FTO: variants seen among roughly 807,000 people sequenced by gnomAD.
FTO encodes the protein FTO alpha-ketoglutarate dependent dioxygenase.
Under a neutral mutation model 63.9 loss-of-function variants are expected in FTO, and 47 were observed. The observed-to-expected ratio is 0.74, with a 90% CI of 0.58 to 0.94. FTO has a LOEUF of 0.94. Ranked by LOEUF, FTO falls within the 40% of genes least tolerant of loss-of-function variation. The probability of loss-of-function intolerance (pLI) is 0.00; values close to 1 mark genes in which losing one functional copy is unlikely to be tolerated. For synonymous variants in FTO, 207 were observed against 224.4 expected, an observed-to-expected ratio of 0.92 and a Z score of 0.69; for missense variants, 562 against 618.1, an observed-to-expected ratio of 0.91 and a Z score of 0.96.
chr16:53,942,844 G>A (rs1424005455), intron 8 of FTO, among the ~76,000 whole-genome samples: 1 of 152,106 alleles, frequency 6.6e-6, no homozygotes, highest in Admixed American at 6.6e-5. Flanking sequence ...TAAAGAGACT[G>A]GCTGCTTACT....
intron 4 of FTO, among the ~76,000 whole-genome samples, chr16:53,844,692 T>C (rs1052414594): frequency 2.6e-5 from 4 of 152,172 alleles, no homozygotes; most frequent in Non-Finnish European, 4.4e-5. Context: ...ACTCCTGACC[T>C]CAGGTGATCC....
chr16:53,744,831 C>G (rs796150059), intron 1 of FTO, among the ~76,000 whole-genome samples: 7 of 70,604 alleles, frequency 9.9e-5, no homozygotes, highest in Non-Finnish European at 1.7e-4. Flanking sequence ...TTCTTCCCCC[C>G]CCCCATATAT....
At chr16:53,772,776 GA>G (rs964535402) in intron 1 of FTO, among the ~76,000 whole-genome samples, 11 of 152,084 alleles carry the variant, frequency 7.2e-5, no homozygotes, top group Non-Finnish European at 1.5e-4. Context: ...AAGTAATTTT[GA>G]TTCAAAGGGT....
Position 53,704,248 on chromosome 16 carries a change from G to T in FTO, c.45+19G>T. The T allele has an allele frequency of 6.4e-7, 1 of 1,551,220 alleles. No homozygotes were observed. The highest frequency in any genetic ancestry group is 8.7e-7 in the Non-Finnish European group (1 of 1,146,580). On this transcript the variant is annotated intron_variant, in intron 1 of 8. Transcript: ENST00000471389. ...AGCTAAGGTATGTCGGGCTCCCGGG[G>T]CCTGGAGATCTTCGTGCGCTGTGAG...
chr16:53,824,794 C>A (rs575314600), intron 2 of FTO, among the ~76,000 whole-genome samples: 1 of 152,218 alleles, frequency 6.6e-6, no homozygotes, highest in African/African-American at 2.4e-5. Context: ...TAGGGAGGAA[C>A]AAATCAGATC....
intron 8 of FTO, among the ~76,000 whole-genome samples, chr16:54,037,661 A>G (rs912418539): frequency 2.4e-4 from 37 of 152,340 alleles, no homozygotes; most frequent in African/African-American, 8.2e-4. Flanking sequence ...ATTTATATTT[A>G]TAGTCTCTCA....
Position 54,114,174 on chromosome 16 carries a change from G to A in FTO, c.*2259G>A, listed in dbSNP as rs895328395. On this transcript the variant is annotated 3_prime_UTR_variant, in exon 9 of 9. Coordinates refer to ENST00000471389, the MANE Select transcript of FTO (RefSeq NM_001080432.3). ...GGCCCCCATCCTCGCATGGCAGCAA[G>A]CTAAATAAGCATCTTCCCACTGCGA... The A allele has an allele frequency of 9.2e-5, 14 of 152,192 alleles. No homozygotes were observed. Among genetic ancestry groups the A allele is most frequent in the African/African-American group, 3.4e-4 (14 of 41,442 alleles). The allele number at this position is 152,192 out of a possible 1,614,324, so 9.4% of individuals were successfully genotyped here.
Position 53,789,444 on chromosome 16 carries a change from G to C in FTO, c.46-20696G>C, listed in dbSNP as rs75822337. Reference sequence around the variant, plus strand: ...ACCGTTCTCTTGGAATTTGGTGAAAGTTTCCTAACTTTGAAGCTAGAGAAT... The same window carrying C: ...ACCGTTCTCTTGGAATTTGGTGAAACTTTCCTAACTTTGAAGCTAGAGAAT... On this transcript the variant is annotated intron_variant, in intron 1 of 8. Coordinates refer to ENST00000471389, the MANE Select transcript of FTO (RefSeq NM_001080432.3). 4.7e-3 allele frequency among the ~76,000 whole-genome samples: 714 copies of C among 152,230 alleles called. 3 individuals are homozygous for C. The highest frequency in any genetic ancestry group is 8.6e-3 in the Non-Finnish European group (582 of 68,010).
intron 8 of FTO, among the ~76,000 whole-genome samples, chr16:54,077,334 C>T (rs571040132): frequency 1.3e-5 from 2 of 152,138 alleles, no homozygotes; most frequent in East Asian, 1.9e-4. Flanking sequence ...GCCCAGTAAA[C>T]GCTGTGTGGA....
intron 1 of FTO, among the ~76,000 whole-genome samples, chr16:53,807,610 A>T (rs761326928): frequency 2.0e-5 from 3 of 152,106 alleles, no homozygotes; most frequent in Non-Finnish European, 4.4e-5. Context: ...TTACTGATGG[A>T]CTCTCATGAA....
At chr16:53,832,495 A>G (rs1406339747) in intron 3 of FTO, among the ~76,000 whole-genome samples, 1 of 151,984 alleles carries the variant, frequency 6.6e-6, no homozygotes, top group Non-Finnish European at 1.5e-5. Context: ...TGGCCTGAAG[A>G]GATCCTCCTT....
intron 8 of FTO, among the ~76,000 whole-genome samples, chr16:54,082,171 A>T (rs1457696736): frequency 1.3e-4 from 20 of 152,202 alleles, no homozygotes; most frequent in Admixed American, 1.3e-3. Context: ...CTTTTGTGAA[A>T]TTCTATTTAA....
At chr16:53,820,377 A>G (rs1396635533) in intron 2 of FTO, among the ~76,000 whole-genome samples, 2 of 152,242 alleles carry the variant, frequency 1.3e-5, no homozygotes, top group Non-Finnish European at 2.9e-5. Context: ...AATAGTTTAA[A>G]TAAATATAGT....
rs2086976374 is a variant in FTO, at chr16:54,116,573, G to A, written c.*4658G>A. 1 of 152,174 alleles carries A rather than the reference G, an allele frequency of 6.6e-6. No homozygotes were observed. The highest frequency in any genetic ancestry group is 1.5e-5 in the Non-Finnish European group (1 of 68,040). The allele number at this position is 152,174 out of a possible 1,614,324, so 9.4% of individuals were successfully genotyped here. ...AGGGGAGAGACGGCACAGGCGTGTT[G>A]TGATGATTGCGGCTGTAGGGAAAGC... On this transcript the variant is annotated 3_prime_UTR_variant, in exon 9 of 9. Transcript: ENST00000471389.
At chr16:53,989,624 C>A (rs1360526555) in intron 8 of FTO, among the ~76,000 whole-genome samples, 3 of 152,164 alleles carry the variant, frequency 2.0e-5, no homozygotes, top group African/African-American at 7.2e-5. Flanking sequence ...CAGCAAGTCA[C>A]TTGTTTAGAC....
At chr16:53,834,669 C>G (rs2079241825) in intron 3 of FTO, among the ~76,000 whole-genome samples, 1 of 152,042 alleles carries the variant, frequency 6.6e-6, no homozygotes, top group Admixed American at 6.6e-5. Flanking sequence ...ATCATTTTTA[C>G]AAGTCAAATA....
At chr16:53,947,812 G>T (rs909873152) in intron 8 of FTO, among the ~76,000 whole-genome samples, 38 of 152,114 alleles carry the variant, frequency 2.5e-4, no homozygotes, top group African/African-American at 7.2e-4. Flanking sequence ...TACTGTAAAT[G>T]ATCTTTCTGC....
At chr16:53,996,791 A>T (rs1400371809) in intron 8 of FTO, among the ~76,000 whole-genome samples, 1 of 152,018 alleles carries the variant, frequency 6.6e-6, no homozygotes, top group Admixed American at 6.6e-5. Flanking sequence ...GTCGAGCAAA[A>T]GGGGGAAAAG....
At chr16:53,846,878 G>A (rs928421382) in intron 4 of FTO, among the ~76,000 whole-genome samples, 3 of 150,802 alleles carry the variant, frequency 2.0e-5, no homozygotes, top group Middle Eastern at 3.5e-3. Flanking sequence ...AACATCTTGT[G>A]TGTTCTTTTC....
Sources: allele counts gnomAD v4.1 joint callset (sites outside exome capture counted in the v4.1 genomes callset), GRCh38; gene constraint gnomAD v4.1.1; transcripts MANE v1.5; gene names NCBI Gene and HGNC (gene_info 2026-07-23, HGNC 2026-07-21).